PCGF5: variants seen among roughly 807,000 people sequenced by gnomAD.
The protein encoded by PCGF5 is polycomb group RING finger protein 5.
In PCGF5, 9 loss-of-function variants were observed where a neutral mutation model predicts 44.3. That is an observed-to-expected ratio of 0.20 (90% CI 0.12 to 0.35). The LOEUF is 0.35. Among genes scored for constraint, PCGF5 ranks in the 10% least tolerant of loss-of-function variants. The pLI, the probability that PCGF5 is intolerant of heterozygous loss-of-function variation, is 1.00. For missense variants in PCGF5, 146 were observed against 305.3 expected (o/e 0.48, Z 3.89); for synonymous variants, 95 against 102.5 (o/e 0.93, Z 0.44).
chr10:91,215,037 C>A (rs1479862357), intron 1 of PCGF5, among the ~76,000 whole-genome samples: 1 of 152,124 alleles, frequency 6.6e-6, no homozygotes, highest in African/African-American at 2.4e-5. Flanking sequence ...AAATGGTGAT[C>A]TATGAATTTA....
intron 6 of PCGF5, among the ~76,000 whole-genome samples, chr10:91,257,000 TATCA>T (rs1431176115): frequency 1.3e-5 from 2 of 152,084 alleles, no homozygotes; most frequent in Non-Finnish European, 1.5e-5. Flanking sequence ...AACTCTTGTG[TATCA>T]AAGGACACTT....
At chr10:91,235,154 G>C (rs975997394) in intron 2 of PCGF5, among the ~76,000 whole-genome samples, 3 of 152,242 alleles carry the variant, frequency 2.0e-5, no homozygotes, top group Admixed American at 2.0e-4. Context: ...ATCAGTGAGA[G>C]GGTTTTGTAG....
At chr10:91,237,748 A>AC (rs1043776946) in intron 2 of PCGF5, among the ~76,000 whole-genome samples, 19 of 152,096 alleles carry the variant, frequency 1.2e-4, no homozygotes, top group African/African-American at 4.6e-4. Context: ...CATCTAAAAA[A>AC]AAAAAAAATT....
intron 1 of PCGF5, among the ~76,000 whole-genome samples, chr10:91,205,361 G>C (rs2421484): frequency 0.93 from 141,754 of 152,254 alleles, 66,091 homozygotes; most frequent in East Asian, 1. Context: ...CAGGTCAGAC[G>C]TGGCACTCTA....
At chr10:91,270,618 G>A (rs1190942930) in intron 8 of PCGF5, among the ~76,000 whole-genome samples, 2 of 152,060 alleles carry the variant, frequency 1.3e-5, no homozygotes, top group South Asian at 2.1e-4. Flanking sequence ...AAAGTATTTC[G>A]GGAAAATAGA....
intron 1 of PCGF5, among the ~76,000 whole-genome samples, chr10:91,213,336 G>T (rs1275289827): frequency 6.6e-6 from 1 of 152,100 alleles, no homozygotes; most frequent in Non-Finnish European, 1.5e-5. Context: ...GGATATATCT[G>T]TATGTATTTG....
chr10:91,175,186 C>T lies in PCGF5; in HGVS notation c.-184+12105C>T, dbSNP rs11186482. Among the ~76,000 whole-genome samples, 14 of 152,248 alleles carry T rather than the reference C, an allele frequency of 9.2e-5. No individual in the cohort carries two copies. The East Asian group carries it at 2.7e-3, about 29-fold the overall frequency. ...TCTATGCCATACCACAAGATGAAGT[C>T]TTTAACAGAGACTGGACATGTTTTT... On this transcript the variant is annotated intron_variant, in intron 1 of 9. Coordinates refer to the PCGF5 transcript ENST00000614189.
At chr10:91,184,011 C>T (rs1197366090) in intron 1 of PCGF5, among the ~76,000 whole-genome samples, 1 of 152,074 alleles carries the variant, frequency 6.6e-6, no homozygotes, top group African/African-American at 2.4e-5. Context: ...TTCGTTTCGA[C>T]CTTGGATAAT....
At chr10:91,201,563 G>A (rs78320953) in intron 1 of PCGF5, among the ~76,000 whole-genome samples, 1,523 of 152,230 alleles carry the variant, frequency 0.01, 25 homozygotes, top group African/African-American at 0.032. Flanking sequence ...TGAAGGTGGA[G>A]TGGAGAACTA....
intron 1 of PCGF5, among the ~76,000 whole-genome samples, chr10:91,175,507 C>G (rs1209562741): frequency 6.6e-6 from 1 of 151,480 alleles, no homozygotes; most frequent in Non-Finnish European, 1.5e-5. Context: ...ACCCATCATT[C>G]AACAACCCTA....
At chr10:91,189,187 C>G (rs1204943553) in intron 1 of PCGF5, among the ~76,000 whole-genome samples, 1 of 152,216 alleles carries the variant, frequency 6.6e-6, no homozygotes, top group Non-Finnish European at 1.5e-5. Context: ...TCTTCTTTGC[C>G]TGGCAAAATC....
At chr10:91,244,612 A>G (rs986165859) in intron 3 of PCGF5, among the ~76,000 whole-genome samples, 18 of 152,320 alleles carry the variant, frequency 1.2e-4, no homozygotes, top group African/African-American at 4.3e-4. Flanking sequence ...TAACAAGGCA[A>G]GGGTAGAAGC....
At chr10:91,240,278 T>G (rs1309053478) in intron 2 of PCGF5, among the ~76,000 whole-genome samples, 1 of 152,176 alleles carries the variant, frequency 6.6e-6, no homozygotes, top group Non-Finnish European at 1.5e-5. Flanking sequence ...AGCAAAATAA[T>G]TTATGCTTTT....
intron 3 of PCGF5, among the ~76,000 whole-genome samples, chr10:91,248,097 T>G (rs1845516007): frequency 6.6e-6 from 1 of 152,172 alleles, no homozygotes; most frequent in Admixed American, 6.5e-5. Flanking sequence ...AGCAGGATTC[T>G]GAGAGAGAGA....
At chr10:91,242,393 T>A (rs1043079141) in intron 3 of PCGF5, among the ~76,000 whole-genome samples, 1 of 150,986 alleles carries the variant, frequency 6.6e-6, no homozygotes, top group Non-Finnish European at 1.5e-5. Flanking sequence ...ACTGTTAAAA[T>A]CTATAATAAC....
chr10:91,156,861 G>A, the PCGF5 span, among the ~76,000 whole-genome samples: 1 of 152,198 alleles, frequency 6.6e-6, no homozygotes, highest in South Asian at 2.1e-4. Context: ...CAGAAAAATG[G>A]TTTTCTCCTC....
At chr10:91,263,254 T>C (rs1845968926) in intron 7 of PCGF5, among the ~76,000 whole-genome samples, 1 of 152,208 alleles carries the variant, frequency 6.6e-6, no homozygotes, top group South Asian at 2.1e-4. Context: ...TATACCTGAT[T>C]AGCAAAATGC....
chr10:91,168,311 G>T (rs1038677648), intron 1 of PCGF5, among the ~76,000 whole-genome samples: 3 of 152,134 alleles, frequency 2.0e-5, no homozygotes, highest in African/African-American at 4.8e-5. Flanking sequence ...AGAAGCAGGA[G>T]GGGGATGAGG....
chr10:91,271,613 T>C (rs763738596), intron 8 of PCGF5, 25 bp from the exon 9 acceptor site: 41 of 1,605,636 alleles, frequency 2.6e-5, no homozygotes, highest in Non-Finnish European at 3.3e-5. Flanking sequence ...ATGCCTCTTA[T>C]CTGATGAGTT....
Sources: gnomAD v4.1 joint callset for allele counts (sites outside exome capture counted in the v4.1 genomes callset) on GRCh38, gnomAD v4.1.1 for gene constraint, MANE v1.5 for transcripts, NCBI Gene and HGNC (gene_info 2026-07-23, HGNC 2026-07-21) for gene names.